DIXDC1: variants seen among roughly 807,000 people sequenced by gnomAD.
The protein encoded by DIXDC1 is dixin.
A neutral mutation model predicts 103.1 loss-of-function variants in DIXDC1; 64 were observed. That is an observed-to-expected ratio of 0.62 (90% CI 0.51 to 0.76). The LOEUF (loss-of-function observed/expected upper bound fraction) is 0.76, where lower values mean the gene tolerates loss of function less well. Ranked by LOEUF, DIXDC1 falls within the 30% of genes least tolerant of loss-of-function variation. The pLI is 0.00. For missense variants in DIXDC1, 759 were observed against 834.2 expected (o/e 0.91, Z 1.11); for synonymous variants, 266 against 298.5 (o/e 0.89, Z 1.12).
At chr11:112,012,103 C>T (rs1861440613) in intron 17 of DIXDC1, among the ~76,000 whole-genome samples, 1 of 152,142 alleles carries the variant, frequency 6.6e-6, no homozygotes, top group Admixed American at 6.6e-5. Context: ...GATTGGAGTA[C>T]TCAACATTGT....
chr11:111,980,867 G>C lies in DIXDC1; in HGVS notation c.769+18G>C. 2 of 1,602,636 alleles carry C rather than the reference G, an allele frequency of 1.2e-6. No homozygotes were observed. Among genetic ancestry groups the C allele is most frequent in the Non-Finnish European group, 1.7e-6 (2 of 1,170,418 alleles). ...CAGAACAGGTACTATCTCTACGCCTGCCTGGGCTGGTTCAAGGAACAGTCA... is the reference window on the plus strand; with the variant it reads ...CAGAACAGGTACTATCTCTACGCCTCCCTGGGCTGGTTCAAGGAACAGTCA... On this transcript the variant is annotated intron_variant, in intron 6 of 19. Transcript: ENST00000440460.
chr11:112,018,894 G>A, intron 19 of DIXDC1, 62 bp from the exon 20 acceptor site: 1 of 1,414,758 alleles, frequency 7.1e-7, no homozygotes. Context: ...TTTATTAGCA[G>A]CAATTGTTTA....
chr11:111,929,649 A>G (rs1240968447), intron 1 of DIXDC1, among the ~76,000 whole-genome samples: 1 of 151,910 alleles, frequency 6.6e-6, no homozygotes, highest in Admixed American at 6.6e-5. Context: ...TGTGCTTGTA[A>G]TATCTTCAGC....
At chr11:111,932,787 G>A (rs868966857), upstream of DIXDC1, among the ~76,000 whole-genome samples, 8 of 152,008 alleles carry the variant, frequency 5.3e-5, no homozygotes, top group Middle Eastern at 3.2e-3. Context: ...ACTAGTCATC[G>A]GATTCTCAGT....
intron 17 of DIXDC1, among the ~76,000 whole-genome samples, chr11:112,007,436 A>G (rs1429455548): frequency 1.3e-5 from 2 of 152,184 alleles, no homozygotes; most frequent in African/African-American, 4.8e-5. Context: ...GCCAACATCC[A>G]AATCTAGGAA....
chr11:111,998,534 A>G lies in DIXDC1; in HGVS notation c.1756+2388A>G, dbSNP rs1489621414. ...CAGTTATTTTCTGAGCTTCAGTACT[A>G]TTTTTTATTTTTATTTTTATTTACT... On this transcript the variant is annotated intron_variant, in intron 17 of 19. Coordinates refer to ENST00000440460, the MANE Select transcript of DIXDC1 (RefSeq NM_001037954.4). This position sits in a 1 kb window ranked among gnomAD's most constrained non-coding sequence, Gnocchi z 4.1. Among the ~76,000 whole-genome samples the G allele has an allele frequency of 6.6e-6, 1 of 151,944 alleles. No individual in the cohort carries two copies. The highest frequency in any genetic ancestry group is 1.5e-5 in the Non-Finnish European group (1 of 67,986).
At chr11:112,004,407 A>G (rs1861170940) in intron 17 of DIXDC1, among the ~76,000 whole-genome samples, 1 of 152,114 alleles carries the variant, frequency 6.6e-6, no homozygotes, top group African/African-American at 2.4e-5. Flanking sequence ...CTCTAGGCAA[A>G]GGTGAAGACC....
intron 1 of DIXDC1, among the ~76,000 whole-genome samples, chr11:111,962,501 G>A (rs1340972584): frequency 6.6e-6 from 1 of 151,894 alleles, no homozygotes; most frequent in Admixed American, 6.6e-5. Flanking sequence ...AAAAGAGGCA[G>A]GAGTTAGAAG....
rs10635444 is a variant in DIXDC1, at chr11:111,941,837, TACAC to T, written c.60+4311_60+4314del. 2.3e-3 allele frequency among the ~76,000 whole-genome samples: 320 copies of T among 139,256 alleles called. 2 individuals are homozygous for T. Among genetic ancestry groups the T allele is most frequent in the Non-Finnish European group, 2.5e-3 (157 of 63,066 alleles). 91.4% of individuals were successfully genotyped at this position (139,256 alleles called of 152,430 possible). A position where few individuals can be genotyped will look rare whatever the true frequency, so the allele number is the denominator to read the frequency against. ...TGTCTCAAAACAAAACGAAACAAAA[TACAC>T]ACACACACACACACACACACACACA... On this transcript the variant is annotated intron_variant, in intron 1 of 19. Coordinates refer to ENST00000440460, the MANE Select transcript of DIXDC1 (RefSeq NM_001037954.4).
At chr11:111,932,025 AC>A (rs1198780499) in intron 2 of DIXDC1, among the ~76,000 whole-genome samples, 6 of 136,916 alleles carry the variant, frequency 4.4e-5, no homozygotes, top group Non-Finnish European at 7.8e-5. Context: ...CTGGCAGATA[AC>A]CTTTTTTTTT....
chr11:111,986,366 C>CTT (rs1218631165), intron 8 of DIXDC1, among the ~76,000 whole-genome samples: 8 of 71,622 alleles, frequency 1.1e-4, no homozygotes, highest in African/African-American at 1.6e-4. Flanking sequence ...CATACTTATT[C>CTT]TTTTTTTTTT....
intron 1 of DIXDC1, among the ~76,000 whole-genome samples, chr11:111,945,010 A>G (rs117063576): frequency 6.6e-6 from 1 of 152,310 alleles, no homozygotes; most frequent in East Asian, 1.9e-4. Flanking sequence ...AAGTGCCAAA[A>G]ACCCAACTTG....
chr11:111,996,505 C>T (rs1358206649), intron 17 of DIXDC1, among the ~76,000 whole-genome samples: 5 of 152,140 alleles, frequency 3.3e-5, no homozygotes, highest in African/African-American at 1.2e-4. Flanking sequence ...AAAAAATTTC[C>T]ACTTCTTCCT....
intron 14 of DIXDC1, among the ~76,000 whole-genome samples, chr11:111,994,400 C>CAT (rs587665197): frequency 0.042 from 6,228 of 149,954 alleles, 421 homozygotes; most frequent in African/African-American, 0.14. Flanking sequence ...ACAAAACATA[C>CAT]ATATATATAT....
chr11:111,972,452 T>C (rs782609429), intron 3 of DIXDC1, among the ~76,000 whole-genome samples: 1 of 152,202 alleles, frequency 6.6e-6, no homozygotes, highest in Non-Finnish European at 1.5e-5. Flanking sequence ...CCTGCGGCAT[T>C]GATTTTTGTC....
chr11:112,010,881 C>T (rs1423898110), intron 17 of DIXDC1, among the ~76,000 whole-genome samples: 7 of 152,216 alleles, frequency 4.6e-5, no homozygotes, highest in African/African-American at 1.7e-4. Flanking sequence ...CCATTCAGGA[C>T]ATAGGCATGG....
intron 17 of DIXDC1, among the ~76,000 whole-genome samples, chr11:111,999,449 G>A (rs1232591663): frequency 2.0e-5 from 3 of 152,188 alleles, no homozygotes; most frequent in Non-Finnish European, 4.4e-5. Flanking sequence ...ATAGATCAGT[G>A]ACTTAAATGT....
rs1425556675 is a variant in DIXDC1, at chr11:112,013,321, TGGGGGTGGGGTG to T, written c.1757-3364_1757-3353del. Among the ~76,000 whole-genome samples, 13 of 35,730 alleles carry T rather than the reference TGGGGGTGGGGTG, an allele frequency of 3.6e-4. 1 individual carries two copies. Among genetic ancestry groups the T allele is most frequent in the African/African-American group, 6.8e-4 (7 of 10,242 alleles). The allele number at this position is 35,730 out of a possible 152,430, so 23.4% of individuals were successfully genotyped here. A position where few individuals can be genotyped will look rare whatever the true frequency, so the allele number is the denominator to read the frequency against. On this transcript the variant is annotated intron_variant, in intron 17 of 19. Coordinates refer to ENST00000440460, the MANE Select transcript of DIXDC1 (RefSeq NM_001037954.4). ...CATATGAAGTTGACGGGTCGGGGGG[TGGGGGTGGGGTG>T]GGGGGGGGGAACAAATTCAGTCCAT...
chr11:111,946,447 C>T (rs1310190653), intron 1 of DIXDC1, among the ~76,000 whole-genome samples: 1 of 152,160 alleles, frequency 6.6e-6, no homozygotes, highest in African/African-American at 2.4e-5. Context: ...TGGTCTCGAA[C>T]TCCTGACCTC....
Sources: gnomAD v4.1 joint callset for allele counts (sites outside exome capture counted in the v4.1 genomes callset) on GRCh38, gnomAD v4.1.1 for gene constraint, Gnocchi (gnomAD v3.1) non-coding constraint, MANE v1.5 for transcripts, NCBI Gene and HGNC (gene_info 2026-07-23, HGNC 2026-07-21) for gene names.